Variants in RALA observed in about 807,000 individuals in gnomAD.
The protein encoded by RALA is ras-related protein Ral-A.
In RALA, 5 loss-of-function variants were observed where a neutral mutation model predicts 24.0. That is an observed-to-expected ratio of 0.21 (90% confidence interval 0.11 to 0.44). The LOEUF (loss-of-function observed/expected upper bound fraction) is 0.44. Ranked by LOEUF, RALA falls within the 20% of genes least tolerant of loss-of-function variation. The pLI, the probability that RALA is intolerant of heterozygous loss-of-function variation, is 0.99. For missense variants in RALA, 95 were observed against 241.2 expected (o/e 0.39, Z 4.01); for synonymous variants, 77 against 83.8 (o/e 0.92, Z 0.44).
At chr7:39,703,062 A>C (rs1793056551) in intron 4 of RALA, 1 of 152,236 alleles carries the variant, frequency 6.6e-6, no homozygotes, top group Non-Finnish European at 1.5e-5. Flanking sequence ...GGTCTTAGTC[A>C]CTGTACGTTA....
At chr7:39,655,280 C>G (rs1180765946) in intron 1 of RALA, among the ~76,000 whole-genome samples, 3 of 152,144 alleles carry the variant, frequency 2.0e-5, no homozygotes, top group Non-Finnish European at 2.9e-5. Flanking sequence ...ATACAAGCAA[C>G]AGGGATAAAT....
Position 39,685,028 on chromosome 7 carries a change from A to ACTT in RALA, c.-37-1603_-37-1602insCTT, listed in dbSNP as rs1400392049. On this transcript the variant is annotated intron_variant, in intron 1 of 4. Transcript: ENST00000005257. ...ATACTTATACTATTAAGTTGGTGCA[A>ACTT]AAGTAATTGCGGTTTTGCCATTGAA... Among the ~76,000 whole-genome samples, 574 of 152,276 alleles carry ACTT rather than the reference A, an allele frequency of 3.8e-3. 3 individuals carry two copies. The highest frequency in any genetic ancestry group is 0.013 in the African/African-American group (557 of 41,570).
At chr7:39,658,764 T>A (rs976234230) in intron 1 of RALA, among the ~76,000 whole-genome samples, 3 of 152,116 alleles carry the variant, frequency 2.0e-5, no homozygotes, top group African/African-American at 7.2e-5. Flanking sequence ...TTAATTTTTT[T>A]TAGGGATGGA....
chr7:39,706,403 A>T lies in RALA; in HGVS notation c.*158A>T. The T allele has an allele frequency of 1.3e-6, 1 of 752,116 alleles. No individual in the cohort carries two copies. The highest frequency in any genetic ancestry group is 2.1e-6 in the Non-Finnish European group (1 of 476,654). The allele number at this position is 752,116 out of a possible 1,614,324, so 46.6% of individuals were successfully genotyped here. On this transcript the variant is annotated 3_prime_UTR_variant, in exon 5 of 5. Coordinates refer to ENST00000005257, the MANE Select transcript of RALA (RefSeq NM_005402.4). ...TGGAACTGCAATGAAAGTCAAATTT[A>T]CTTTAAAAAGAAATTAATATGGCTT...
Position 39,623,621 on chromosome 7 carries a change from A to G in RALA, c.-242A>G. On this transcript the variant is annotated 5_prime_UTR_variant, in exon 1 of 5. Transcript: ENST00000005257. The surrounding 1 kb of genome is among the most constrained non-coding windows in gnomAD (Gnocchi z 4.9). ...GGAGGAGGGTGGATCTCCCCAGAGC[A>G]AAGCGTCGGAGTCCTCCTCCTCCTT... The G allele has an allele frequency of 6.5e-6, 1 of 153,570 alleles. No individual in the cohort carries two copies. Among genetic ancestry groups the G allele is most frequent in the East Asian group, 1.9e-4 (1 of 5,184 alleles). 9.5% of individuals were successfully genotyped at this position (153,570 alleles called of 1,614,324 possible).
intron 1 of RALA, among the ~76,000 whole-genome samples, chr7:39,653,614 A>G (rs1018862906): frequency 3.9e-5 from 6 of 152,198 alleles, no homozygotes; most frequent in African/African-American, 7.2e-5. Flanking sequence ...TTTATTTAGA[A>G]TTTATTTATT....
chr7:39,630,554 G>A (rs892659866), intron 1 of RALA, among the ~76,000 whole-genome samples: 1 of 152,062 alleles, frequency 6.6e-6, no homozygotes, highest in Non-Finnish European at 1.5e-5. Context: ...TAAATTTACT[G>A]CATCTGAAGT....
intron 1 of RALA, among the ~76,000 whole-genome samples, chr7:39,667,285 G>T (rs185479408): frequency 7.9e-5 from 12 of 152,282 alleles, no homozygotes; most frequent in Admixed American, 7.2e-4. Context: ...CAAGTTCATG[G>T]TAATGAAAGC....
intron 3 of RALA, among the ~76,000 whole-genome samples, chr7:39,691,844 A>G (rs938951471): frequency 1.7e-4 from 26 of 152,204 alleles, no homozygotes; most frequent in African/African-American, 5.1e-4. Flanking sequence ...ATAAATGCCA[A>G]TGCTTATTCA....
chr7:39,696,669 A>G lies in RALA; in HGVS notation c.324-16A>G. On this transcript the variant is annotated splice_polypyrimidine_tract_variant and intron_variant, in intron 3 of 4. Transcript: ENST00000005257. ...CTTATAATGTTAATATTTCTTTTTC[A>G]TTTTCTCTTATCCAGGGAGCAGATT... The G allele has an allele frequency of 6.4e-7, 1 of 1,562,778 alleles. No individual in the cohort carries two copies. Among genetic ancestry groups the G allele is most frequent in the Non-Finnish European group, 8.7e-7 (1 of 1,151,120 alleles).
chr7:39,689,047 C>G (rs1195510949), intron 2 of RALA, among the ~76,000 whole-genome samples: 1 of 152,144 alleles, frequency 6.6e-6, no homozygotes, highest in Non-Finnish European at 1.5e-5. Context: ...TGAGAACTCA[C>G]AATCTTGAGA....
intron 1 of RALA, among the ~76,000 whole-genome samples, chr7:39,681,100 T>G (rs1300801937): frequency 6.6e-6 from 1 of 152,178 alleles, no homozygotes; most frequent in Non-Finnish European, 1.5e-5. Flanking sequence ...TAGAGTTCAC[T>G]CTGTCTTCTA....
At position 39,706,755 on chromosome 7, in the gene RALA, G is replaced by A. The variant is rs551759523; in HGVS notation, c.*510G>A. On this transcript the variant is annotated 3_prime_UTR_variant, in exon 5 of 5. Transcript: ENST00000005257. ...GTTGTTGCATATAGTTAAACTGAGA[G>A]TAATTCATCTGTGAATCTGCTTTAA... is the stretch of plus-strand genomic sequence containing the variant. 2 of 152,568 alleles carry A rather than the reference G, an allele frequency of 1.3e-5. No individual in the cohort carries two copies. Among genetic ancestry groups the A allele is most frequent in the East Asian group, 3.9e-4 (2 of 5,190 alleles). The allele number at this position is 152,568 out of a possible 1,614,324, so 9.5% of individuals were successfully genotyped here. A position where few individuals can be genotyped will look rare whatever the true frequency, so the allele number is the denominator to read the frequency against.
intron 2 of RALA, among the ~76,000 whole-genome samples, chr7:39,688,608 G>A (rs577354462): frequency 7.4e-6 from 1 of 135,878 alleles, no homozygotes; most frequent in Non-Finnish European, 1.5e-5. Context: ...TAAAGATAAC[G>A]TCTTGCTCTG....
rs1793129059 is a variant in RALA at position 39,706,886 on chromosome 7, G to A, written c.*641G>A. ...AATATCTGGTTATATCATTCTGGGT[G>A]TGTTCTTACTGACACCAGGGGTCCG... On this transcript the variant is annotated 3_prime_UTR_variant, in exon 5 of 5. Transcript: ENST00000005257. The A allele has an allele frequency of 6.5e-6, 1 of 152,796 alleles. No homozygotes were observed. Among genetic ancestry groups the A allele is most frequent in the African/African-American group, 2.4e-5 (1 of 41,558 alleles). 9.5% of individuals were successfully genotyped at this position (152,796 alleles called of 1,614,324 possible).
chr7:39,701,676 C>T (rs1022665212), intron 4 of RALA, among the ~76,000 whole-genome samples: 2 of 152,186 alleles, frequency 1.3e-5, no homozygotes, highest in African/African-American at 2.4e-5. Flanking sequence ...GCTAGCTCTC[C>T]ATAAGATCAT....
rs1182091847 is a variant in RALA at position 39,707,425 on chromosome 7, C to G, written c.*1180C>G. 5 of 152,204 alleles carry G rather than the reference C, an allele frequency of 3.3e-5. No individual in the cohort carries two copies. Among genetic ancestry groups the G allele is most frequent in the African/African-American group, 1.2e-4 (5 of 41,454 alleles). 9.4% of individuals were successfully genotyped at this position (152,204 alleles called of 1,614,324 possible). A position where few individuals can be genotyped will look rare whatever the true frequency, so the allele number is the denominator to read the frequency against. ...CTGTTTCTGTTTATAATGAAGAACA[C>G]TGTAGCTACATTTTCAGAAGTTAAC... On this transcript the variant is annotated 3_prime_UTR_variant, in exon 5 of 5. Coordinates refer to ENST00000005257, the MANE Select transcript of RALA (RefSeq NM_005402.4).
At chr7:39,677,380 G>A (rs1792505219) in intron 1 of RALA, among the ~76,000 whole-genome samples, 1 of 144,260 alleles carries the variant, frequency 6.9e-6, no homozygotes, top group South Asian at 2.4e-4. Context: ...CAAAGGACAT[G>A]AACTCATCAT....
At chr7:39,644,031 TA>T (rs781015542) in intron 1 of RALA, among the ~76,000 whole-genome samples, 1 of 152,170 alleles carries the variant, frequency 6.6e-6, no homozygotes, top group African/African-American at 2.4e-5. Context: ...AGAAATCTTT[TA>T]AAAAATTATT....
Sources: allele counts gnomAD v4.1 joint callset (sites outside exome capture counted in the v4.1 genomes callset), GRCh38; gene constraint gnomAD v4.1.1; non-coding constraint Gnocchi (gnomAD v3.1); transcripts MANE v1.5; gene names NCBI Gene and HGNC (gene_info 2026-07-23, HGNC 2026-07-21).